Variants in RIMKLB observed in about 807,000 individuals in gnomAD.
The protein encoded by RIMKLB is beta-citrylglutamate synthase B.
In RIMKLB, 7 loss-of-function variants were observed where a neutral mutation model predicts 32.0. The ratio of observed to expected loss-of-function variants is 0.22; its 90% CI spans 0.12 to 0.41. The LOEUF is 0.41. Ranked by LOEUF, RIMKLB falls within the 10% of genes least tolerant of loss-of-function variation. The pLI is 1.00. For synonymous variants in RIMKLB, 172 were observed against 185.1 expected, an observed-to-expected ratio of 0.93 and a Z score of 0.57; for missense variants, 289 against 498.7, an observed-to-expected ratio of 0.58 and a Z score of 4.00.
upstream of RIMKLB, among the ~76,000 whole-genome samples, chr12:8,695,543 A>C (rs546135377): frequency 6.6e-6 from 1 of 151,090 alleles, no homozygotes; most frequent in Admixed American, 6.6e-5. Flanking sequence ...TGATAATGGT[A>C]ATGTGTTTAA....
chr12:8,757,483 A>G (rs1041082674), intron 5 of RIMKLB, among the ~76,000 whole-genome samples: 2 of 150,956 alleles, frequency 1.3e-5, no homozygotes, highest in East Asian at 3.9e-4. Flanking sequence ...AAAAAAAAAA[A>G]AAAAAAGTTG....
chr12:8,687,985 G>A (rs927813384), intron 1 of RIMKLB, among the ~76,000 whole-genome samples: 2 of 152,098 alleles, frequency 1.3e-5, no homozygotes, highest in African/African-American at 4.8e-5. Context: ...GGGAGGAGGT[G>A]TCTAGAAGAA....
intron 2 of RIMKLB, among the ~76,000 whole-genome samples, chr12:8,733,959 A>G (rs1666203060): frequency 6.6e-6 from 1 of 152,320 alleles, no homozygotes; most frequent in Middle Eastern, 3.4e-3. Flanking sequence ...TCTACTATAT[A>G]TTGACACTTT....
At chr12:8,733,555 T>C (rs1322557187) in intron 2 of RIMKLB, among the ~76,000 whole-genome samples, 5 of 152,258 alleles carry the variant, frequency 3.3e-5, no homozygotes, top group Admixed American at 3.3e-4. Context: ...TTTAAATTCA[T>C]GTGAAGAAAA....
intron 1 of RIMKLB, among the ~76,000 whole-genome samples, chr12:8,702,536 A>T (rs1057284732): frequency 2.6e-5 from 4 of 152,156 alleles, no homozygotes; most frequent in Middle Eastern, 3.4e-3. Context: ...TCACGTTCCT[A>T]TAAATTTAGA....
At chr12:8,672,432 T>C in the RIMKLB span, among the ~76,000 whole-genome samples, 44 of 152,316 alleles carry the variant, frequency 2.9e-4, no homozygotes, top group East Asian at 8.5e-3. Flanking sequence ...AGAGGTTTAA[T>C]TGAACTTACA....
intron 1 of RIMKLB, among the ~76,000 whole-genome samples, chr12:8,702,249 C>G (rs1176427132): frequency 1.3e-5 from 2 of 152,126 alleles, no homozygotes; most frequent in Non-Finnish European, 2.9e-5. Flanking sequence ...TTGGTAATCT[C>G]TGTATTTTTT....
At chr12:8,716,036 A>G (rs542802206) in intron 2 of RIMKLB, among the ~76,000 whole-genome samples, 156 of 152,344 alleles carry the variant, frequency 1.0e-3, no homozygotes, top group Middle Eastern at 3.4e-3. Context: ...TGAAGTCTGC[A>G]TGAGAAGAGA....
At chr12:8,762,999 T>TG (rs2138042996) in intron 5 of RIMKLB, among the ~76,000 whole-genome samples, 1 of 152,364 alleles carries the variant, frequency 6.6e-6, no homozygotes, top group South Asian at 2.1e-4. Flanking sequence ...GTTGCAGCAC[T>TG]GGCTCTTTAA....
intron 1 of RIMKLB, among the ~76,000 whole-genome samples, chr12:8,683,287 T>C (rs773759349): frequency 1.3e-5 from 2 of 152,174 alleles, no homozygotes; most frequent in Non-Finnish European, 1.5e-5. Flanking sequence ...AGGAGTATGA[T>C]TGCTGGATCA....
upstream of RIMKLB, among the ~76,000 whole-genome samples, chr12:8,696,032 A>C (rs1942879239): frequency 6.6e-6 from 1 of 152,242 alleles, no homozygotes; most frequent in South Asian, 2.1e-4. Context: ...AAGTGAGTTA[A>C]TAGTCATACT....
chr12:8,732,122 G>C (rs748107093), intron 2 of RIMKLB, among the ~76,000 whole-genome samples: 7 of 151,980 alleles, frequency 4.6e-5, no homozygotes, highest in Non-Finnish European at 7.4e-5. Context: ...GTGGACTGGA[G>C]CTTGAGACCC....
At chr12:8,760,703 G>A (rs1949446887) in intron 5 of RIMKLB, among the ~76,000 whole-genome samples, 1 of 152,200 alleles carries the variant, frequency 6.6e-6, no homozygotes. Flanking sequence ...CAGTGATGAT[G>A]AGCATTTTTT....
chr12:8,729,667 G>A (rs753611063), intron 2 of RIMKLB, among the ~76,000 whole-genome samples: 5 of 152,122 alleles, frequency 3.3e-5, no homozygotes, highest in Non-Finnish European at 5.9e-5. Context: ...CCTCACCAGG[G>A]ATCTGCCCTC....
chr12:8,674,154 A>C, the RIMKLB span, among the ~76,000 whole-genome samples: 1 of 151,484 alleles, frequency 6.6e-6, no homozygotes, highest in African/African-American at 2.4e-5. Context: ...GACTAGGGTT[A>C]AGTGTCAGAT....
intron 2 of RIMKLB, among the ~76,000 whole-genome samples, chr12:8,723,964 C>T (rs987996861): frequency 1.3e-5 from 2 of 151,632 alleles, no homozygotes; most frequent in South Asian, 2.1e-4. Flanking sequence ...TACAGGCACG[C>T]GCCACCATGC....
Position 8,723,809 on chromosome 12 carries a change from T to C in RIMKLB, c.175+9768T>C, listed in dbSNP as rs913762631. 2.9e-3 allele frequency among the ~76,000 whole-genome samples: 389 copies of C among 133,572 alleles called. 5 individuals carry two copies. Among genetic ancestry groups the C allele is most frequent in the African/African-American group, 0.011 (372 of 34,804 alleles). 87.6% of individuals were successfully genotyped at this position (133,572 alleles called of 152,430 possible). On this transcript the variant is annotated intron_variant, in intron 2 of 5. Coordinates refer to ENST00000535829, the MANE Select transcript of RIMKLB (RefSeq NM_001297776.2). ...CATAGGCTTTCTTCAGTTCCCTTTTTTTTTTTTTTTTTTTTTTTTGGAGAC... is the reference window on the plus strand; with the variant it reads ...CATAGGCTTTCTTCAGTTCCCTTTTCTTTTTTTTTTTTTTTTTTTGGAGAC...
chr12:8,708,117 T>TTA (rs895221903), intron 1 of RIMKLB, among the ~76,000 whole-genome samples: 1 of 152,218 alleles, frequency 6.6e-6, no homozygotes, highest in African/African-American at 2.4e-5. Flanking sequence ...CCATTATGTG[T>TTA]TACAGTAGAG....
At chr12:8,710,825 C>T (rs1025329847) in intron 1 of RIMKLB, among the ~76,000 whole-genome samples, 2 of 151,940 alleles carry the variant, frequency 1.3e-5, no homozygotes, top group Non-Finnish European at 2.9e-5. Flanking sequence ...ACCCACTGTG[C>T]AATGAAATTA....
Sources: gnomAD v4.1 joint callset for allele counts (sites outside exome capture counted in the v4.1 genomes callset) on GRCh38, gnomAD v4.1.1 for gene constraint, MANE v1.5 for transcripts, NCBI Gene and HGNC (gene_info 2026-07-23, HGNC 2026-07-21) for gene names.